The following DBX2 variants were observed in gnomAD, a reference collection of about 807,000 sequenced individuals.
DBX2 encodes homeobox protein DBX2.
Under a neutral mutation model 17.7 loss-of-function variants are expected in DBX2, and 16 were observed. That is an observed-to-expected ratio of 0.90 (90% CI 0.61 to 1.37). The LOEUF (loss-of-function observed/expected upper bound fraction) is 1.37, where lower values mean the gene tolerates loss of function less well. Ranked by LOEUF, DBX2 falls within the 40% of genes most tolerant of loss-of-function variation. The pLI, the probability that DBX2 is intolerant of heterozygous loss-of-function variation, is 0.00. For synonymous variants in DBX2, 255 were observed against 183.8 expected (o/e 1.39, Z -3.13); for missense variants, 538 against 433.8 (o/e 1.24, Z -2.13).
chr12:45,024,097 G>T (rs1237792646), intron 2 of DBX2, among the ~76,000 whole-genome samples: 1 of 152,110 alleles, frequency 6.6e-6, no homozygotes, highest in African/African-American at 2.4e-5. Context: ...CTGAGGGAGG[G>T]ACCTCGTGGG....
At chr12:45,031,225 TGAGAGAGAGA>T (rs72031074) in intron 2 of DBX2, among the ~76,000 whole-genome samples, 32 of 85,654 alleles carry the variant, frequency 3.7e-4, no homozygotes, top group Admixed American at 6.7e-4. Context: ...TGTGTGTGTG[TGAGAGAGAGA>T]GAGAGAGAGA....
chr12:45,016,958 AT>A (rs535962967), intron 3 of DBX2, among the ~76,000 whole-genome samples: 2 of 151,656 alleles, frequency 1.3e-5, no homozygotes, highest in South Asian at 2.1e-4. Context: ...TAATTTTTAT[AT>A]TTTTTTTGTA....
At chr12:45,036,175 C>G in intron 1 of DBX2, 61 bp from the exon 2 acceptor site, 1 of 1,428,632 alleles carries the variant, frequency 7.0e-7, no homozygotes, top group Non-Finnish European at 9.4e-7. Context: ...TTCAAAACTC[C>G]AGTTTCCTAA....
chr12:45,029,959 C>T (rs1172178063), intron 2 of DBX2, among the ~76,000 whole-genome samples: 1 of 151,736 alleles, frequency 6.6e-6, no homozygotes, highest in Non-Finnish European at 1.5e-5. Context: ...AGTCATGATT[C>T]CCTGGATTCC....
At chr12:45,049,645 T>A (rs1470529688) in intron 1 of DBX2, among the ~76,000 whole-genome samples, 1 of 146,802 alleles carries the variant, frequency 6.8e-6, no homozygotes, top group Non-Finnish European at 1.5e-5. Context: ...TGAGTTAAGA[T>A]CGTTTAAGGA....
intron 2 of DBX2, among the ~76,000 whole-genome samples, chr12:45,029,871 A>T (rs867441490): frequency 0.017 from 1,953 of 115,184 alleles, 36 homozygotes; most frequent in African/African-American, 0.062. Flanking sequence ...CTTAAAAAAA[A>T]AATAATAAAA....
intron 2 of DBX2, among the ~76,000 whole-genome samples, chr12:45,024,645 C>T (rs1298523268): frequency 1.3e-5 from 2 of 152,170 alleles, no homozygotes; most frequent in Non-Finnish European, 2.9e-5. Context: ...AGACACTCTG[C>T]TCAATATTAC....
chr12:45,016,503 G>C lies in DBX2; in HGVS notation c.803C>G (p.Ser268Cys). 6.2e-7 allele frequency: 1 copy of C among 1,613,516 alleles called. No homozygotes were observed. The highest frequency in any genetic ancestry group is 8.5e-7 in the Non-Finnish European group (1 of 1,179,828). Residue 268 changes from serine (S) to cysteine (C), a missense_variant, in exon 4 of 4, where the codon TCT becomes TGT. Transcript: ENST00000332700. ...VGLQEDPLSR[S>C]ALGFPSPCPS... ...ACATGGAGAAGGGAAACCCAGAGCA[G>C]ACCGTGAGAGGGGATCCTCTTGAAG... is the stretch of plus-strand genomic sequence containing the variant.
chr12:45,021,880 T>C (rs1946354046), intron 3 of DBX2, among the ~76,000 whole-genome samples: 1 of 38,078 alleles, frequency 2.6e-5, no homozygotes, highest in Non-Finnish European at 5.2e-5. Context: ...TATAGTTTTA[T>C]CAAACTTTTT....
intron 2 of DBX2, among the ~76,000 whole-genome samples, chr12:45,035,457 C>A (rs1267385478): frequency 6.6e-6 from 1 of 152,166 alleles, no homozygotes; most frequent in African/African-American, 2.4e-5. Context: ...TCTCACTCCA[C>A]CCCCAGACTC....
At chr12:45,016,870 G>T (rs1384079416) in intron 3 of DBX2, among the ~76,000 whole-genome samples, 1 of 151,840 alleles carries the variant, frequency 6.6e-6, no homozygotes, top group Non-Finnish European at 1.5e-5. Context: ...TGCAACCTCC[G>T]CCACCCAGGC....
intron 3 of DBX2, among the ~76,000 whole-genome samples, chr12:45,022,321 TG>T (rs1381456857): frequency 4.6e-4 from 68 of 148,078 alleles, no homozygotes; most frequent in African/African-American, 1.7e-3. Context: ...TTTTTTTTTT[TG>T]AGATGGAGTC....
At chr12:45,016,959 T>C (rs1168803512) in intron 3 of DBX2, among the ~76,000 whole-genome samples, 1 of 151,588 alleles carries the variant, frequency 6.6e-6, no homozygotes, top group Non-Finnish European at 1.5e-5. Context: ...AATTTTTATA[T>C]TTTTTTTGTA....
chr12:45,038,367 A>G (rs868803872), intron 1 of DBX2, among the ~76,000 whole-genome samples: 28 of 151,750 alleles, frequency 1.8e-4, no homozygotes, highest in African/African-American at 6.8e-4. Context: ...CTGACATAAA[A>G]TTAAACATTT....
chr12:45,046,568 T>C (rs1168457110), intron 1 of DBX2, among the ~76,000 whole-genome samples: 1 of 152,122 alleles, frequency 6.6e-6, no homozygotes, highest in East Asian at 1.9e-4. Flanking sequence ...TAGAATGCAA[T>C]CCCCACCTTG....
At chr12:45,024,936 T>G (rs1443020411) in intron 2 of DBX2, among the ~76,000 whole-genome samples, 1 of 152,214 alleles carries the variant, frequency 6.6e-6, no homozygotes, top group Non-Finnish European at 1.5e-5. Context: ...TTGCTACTCT[T>G]TCTGCCTTTT....
intron 1 of DBX2, among the ~76,000 whole-genome samples, chr12:45,040,912 T>G (rs570923624): frequency 6.6e-6 from 1 of 152,142 alleles, no homozygotes; most frequent in East Asian, 1.9e-4. Context: ...TGACTTGAAC[T>G]GACATTTCAA....
chr12:45,016,721 T>A, intron 3 of DBX2, 103 bp from the exon 4 acceptor site: 1 of 1,109,068 alleles, frequency 9.0e-7, no homozygotes, highest in Non-Finnish European at 1.2e-6. Context: ...CAGAATACCT[T>A]ATTATGACAG....
intron 1 of DBX2, among the ~76,000 whole-genome samples, chr12:45,042,846 T>C (rs1354860166): frequency 3.9e-5 from 6 of 152,188 alleles, no homozygotes; most frequent in African/African-American, 1.4e-4. Flanking sequence ...CACCAACAAG[T>C]TGACAGAGTC....
Sources: gnomAD v4.1 joint callset for allele counts (sites outside exome capture counted in the v4.1 genomes callset) on GRCh38, gnomAD v4.1.1 for gene constraint, MANE v1.5 for transcripts, NCBI Gene and HGNC (gene_info 2026-07-23, HGNC 2026-07-21) for gene names.